RBPMS: variants seen among roughly 807,000 people sequenced by gnomAD.
RBPMS encodes RNA-binding protein with multiple splicing.
RBPMS carries 7 observed loss-of-function variants against 26.8 expected under a neutral mutation model. The observed-to-expected ratio is 0.26, with a 90% CI of 0.15 to 0.49. The LOEUF is 0.49. RBPMS is among the 20% of genes least tolerant of loss of function. RBPMS has a pLI of 0.98. For synonymous variants in RBPMS, 96 were observed against 93.3 expected (o/e 1.03, Z -0.17); for missense variants, 186 against 250.0 (o/e 0.74, Z 1.73).
At chr8:30,522,995 G>A (rs1254650960) in intron 5 of RBPMS, among the ~76,000 whole-genome samples, 1 of 152,130 alleles carries the variant, frequency 6.6e-6, no homozygotes, top group Non-Finnish European at 1.5e-5. Flanking sequence ...ATTGGTTGAA[G>A]GAGAAGCTGG....
chr8:30,416,145 C>T (rs1294292414), intron 1 of RBPMS, among the ~76,000 whole-genome samples: 3 of 152,142 alleles, frequency 2.0e-5, no homozygotes, highest in African/African-American at 7.2e-5. Context: ...GTTTGTTTTG[C>T]ATCCCTCTTG....
chr8:30,485,890 T>C (rs1382714818), intron 4 of RBPMS, among the ~76,000 whole-genome samples: 1 of 152,238 alleles, frequency 6.6e-6, no homozygotes, highest in Non-Finnish European at 1.5e-5. Context: ...TTAGATGTTA[T>C]AAAACCTCCC....
At chr8:30,516,890 C>T (rs1006657246) in intron 5 of RBPMS, among the ~76,000 whole-genome samples, 1 of 105,248 alleles carries the variant, frequency 9.5e-6, no homozygotes, top group Non-Finnish European at 2.2e-5. Context: ...CATAGCTTGA[C>T]TCCATCTCTA....
intron 5 of RBPMS, among the ~76,000 whole-genome samples, chr8:30,510,475 T>C (rs1821470180): frequency 6.6e-6 from 1 of 151,914 alleles, no homozygotes; most frequent in Admixed American, 6.6e-5. Flanking sequence ...TAAAACTCAT[T>C]GCTAGTCTCA....
intron 1 of RBPMS, among the ~76,000 whole-genome samples, chr8:30,432,023 G>A (rs1052941701): frequency 2.6e-5 from 4 of 151,964 alleles, no homozygotes; most frequent in African/African-American, 9.7e-5. Context: ...AGCTACTTGG[G>A]AAGCTGAGGT....
At position 30,423,548 on chromosome 8, in the gene RBPMS, C is replaced by T. The variant is rs1397849026; in HGVS notation, c.66+38390C>T. Among the ~76,000 whole-genome samples the T allele has an allele frequency of 4.6e-5, 7 of 152,108 alleles. No homozygotes were observed. The East Asian group carries it at 7.8e-4, about 17-fold the overall frequency. On this transcript the variant is annotated intron_variant, in intron 1 of 8. Transcript: ENST00000397323. ...TCTATTGTAGGAGTAACGGCCACTT[C>T]CCATCCATTTCTTCTTTCGTCTCTC...
intron 5 of RBPMS, among the ~76,000 whole-genome samples, chr8:30,536,766 T>C (rs1035312930): frequency 6.6e-6 from 1 of 152,216 alleles, no homozygotes; most frequent in Non-Finnish European, 1.5e-5. Context: ...CTTTCTCCTT[T>C]GTGGACCTCC....
intron 4 of RBPMS, among the ~76,000 whole-genome samples, chr8:30,484,038 A>C (rs1009359660): frequency 6.6e-6 from 1 of 152,186 alleles, no homozygotes; most frequent in Non-Finnish European, 1.5e-5. Flanking sequence ...TATTGCGAAT[A>C]AGGCTGCAGT....
chr8:30,459,757 T>C (rs777482719), intron 1 of RBPMS, among the ~76,000 whole-genome samples: 2 of 152,246 alleles, frequency 1.3e-5, no homozygotes, highest in Non-Finnish European at 2.9e-5. Flanking sequence ...CCTCCCATTA[T>C]AGTCATTAAA....
At chr8:30,545,013 C>A (rs530815873) in intron 6 of RBPMS, 1 of 1,434,022 alleles carries the variant, frequency 7.0e-7, no homozygotes, top group Admixed American at 2.6e-5. Flanking sequence ...GGGATATGTG[C>A]GTCTGTGCGT....
intron 5 of RBPMS, among the ~76,000 whole-genome samples, chr8:30,536,128 CTTT>C (rs11440225): frequency 7.2e-6 from 1 of 138,188 alleles, no homozygotes. Context: ...TCATCTCTCT[CTTT>C]TTTTTTTTTT....
intron 5 of RBPMS, among the ~76,000 whole-genome samples, chr8:30,516,756 T>C (rs1363711573): frequency 6.6e-6 from 1 of 152,180 alleles, no homozygotes; most frequent in Non-Finnish European, 1.5e-5. Flanking sequence ...AAACCAGGTA[T>C]AGTGGCATAC....
intron 1 of RBPMS, among the ~76,000 whole-genome samples, chr8:30,431,887 G>A (rs1453431068): frequency 1.3e-5 from 2 of 152,070 alleles, no homozygotes; most frequent in African/African-American, 2.4e-5. Flanking sequence ...TTGGGAGGCC[G>A]AGGTGGGAGG....
chr8:30,449,157 G>A (rs1814233303), intron 1 of RBPMS, among the ~76,000 whole-genome samples: 2 of 152,144 alleles, frequency 1.3e-5, no homozygotes, highest in South Asian at 4.1e-4. Context: ...TCAATGCTTT[G>A]TTGTGCCTGA....
intron 5 of RBPMS, among the ~76,000 whole-genome samples, chr8:30,513,925 T>A (rs1036361763): frequency 1.3e-5 from 2 of 152,214 alleles, no homozygotes; most frequent in Non-Finnish European, 2.9e-5. Context: ...CTCAAAAGCA[T>A]GGTCCACGCA....
chr8:30,512,139 A>C (rs1438573414), intron 5 of RBPMS, among the ~76,000 whole-genome samples: 1 of 152,158 alleles, frequency 6.6e-6, no homozygotes, highest in Non-Finnish European at 1.5e-5. Context: ...TCCTGGGTTC[A>C]AGCAATCCTC....
At chr8:30,385,601 C>T (rs1428712186) in intron 1 of RBPMS, among the ~76,000 whole-genome samples, 4 of 152,058 alleles carry the variant, frequency 2.6e-5, no homozygotes, top group African/African-American at 9.7e-5. Context: ...TCCCTGCCCC[C>T]TCCCTTTCCG....
intron 5 of RBPMS, among the ~76,000 whole-genome samples, chr8:30,517,952 TC>T (rs1440258173): frequency 6.6e-6 from 1 of 152,160 alleles, no homozygotes; most frequent in South Asian, 2.1e-4. Flanking sequence ...GAGCTCATGA[TC>T]CAGTGCAGCT....
Position 30,542,264 on chromosome 8 carries a change from C to T in RBPMS, c.398-2230C>T, listed in dbSNP as rs551693363. Among the ~76,000 whole-genome samples the T allele has an allele frequency of 6.6e-5, 10 of 152,274 alleles. 1 individual carries two copies. The highest frequency in any genetic ancestry group is 2.4e-4 in the African/African-American group (10 of 41,548). ...ATTGTCTCTAAGCATCAGTAAAGAA[C>T]TAATGGGAAGTAATGCTTCAGGATA... On this transcript the variant is annotated intron_variant, in intron 5 of 8. Transcript: ENST00000397323.
Sources: allele counts gnomAD v4.1 joint callset (sites outside exome capture counted in the v4.1 genomes callset), GRCh38; gene constraint gnomAD v4.1.1; transcripts MANE v1.5; gene names NCBI Gene and HGNC (gene_info 2026-07-23, HGNC 2026-07-21).